The following SPIRE1 variants were observed in gnomAD, a reference collection of about 807,000 sequenced individuals.
SPIRE1 encodes protein spire homolog 1.
In SPIRE1, 40 loss-of-function variants were observed where a neutral mutation model predicts 94.1. The observed-to-expected ratio is 0.43, with a 90% CI of 0.33 to 0.55. The LOEUF is 0.55. SPIRE1 is among the 20% of genes least tolerant of loss of function. SPIRE1 has a pLI of 0.06. For missense variants in SPIRE1, 838 were observed against 975.2 expected (o/e 0.86, Z 1.87); for synonymous variants, 376 against 371.7 (o/e 1.01, Z -0.13).
chr18:12,546,609 GAA>G (rs35057526), intron 3 of SPIRE1, 63 bp downstream of exon 3: 26 of 1,228,016 alleles, frequency 2.1e-5, no homozygotes, highest in Non-Finnish European at 2.7e-5. Context: ...TCCAGGGGGG[GAA>G]AAAAAAGAAG....
intron 1 of SPIRE1, among the ~76,000 whole-genome samples, chr18:12,647,997 G>A (rs2038270452): frequency 6.6e-6 from 1 of 152,086 alleles, no homozygotes; most frequent in Non-Finnish European, 1.5e-5. Context: ...CAAGCCTAAG[G>A]AGCAATCAAT....
intron 2 of SPIRE1, among the ~76,000 whole-genome samples, chr18:12,617,365 C>A (rs537947857): frequency 2.0e-5 from 3 of 152,180 alleles, no homozygotes; most frequent in African/African-American, 4.8e-5. Context: ...CACGCACCAA[C>A]CACCATGCCC....
intron 2 of SPIRE1, among the ~76,000 whole-genome samples, chr18:12,610,754 A>G (rs2037116590): frequency 6.6e-6 from 1 of 152,160 alleles, no homozygotes; most frequent in Non-Finnish European, 1.5e-5. Context: ...CTTGGTGACT[A>G]TAACTTCTCT....
rs2038592195 is a variant in SPIRE1, at chr18:12,657,705, G to A, written c.162C>T (p.Asn54=). ...EILRLYNQPI[N]EEQAWAVCYQ... ...AGCACACGGCCCACGCCTGCTCCTC[G>A]TTGATGGGCTGGTTGTACAGCCGCA... The change falls in exon 1 of 17, where the codon AAC becomes AAT. Residue 54 remains asparagine (N), a synonymous_variant. Coordinates refer to ENST00000409402, the MANE Select transcript of SPIRE1 (RefSeq NM_001128626.2). 7.1e-7 allele frequency: 1 copy of A among 1,406,426 alleles called. No homozygotes were observed. The highest frequency in any genetic ancestry group is 9.3e-7 in the Non-Finnish European group (1 of 1,072,978). The allele number at this position is 1,406,426 out of a possible 1,614,324, so 87.1% of individuals were successfully genotyped here.
chr18:12,457,883 C>T (rs1652681), intron 12 of SPIRE1, among the ~76,000 whole-genome samples: 21,658 of 141,746 alleles, frequency 0.15, 2,860 homozygotes, highest in African/African-American at 0.36. Context: ...CTCGCTCTTT[C>T]GCCCAGGCTG....
At chr18:12,638,000 G>A (rs755218875) in intron 1 of SPIRE1, among the ~76,000 whole-genome samples, 1 of 152,176 alleles carries the variant, frequency 6.6e-6, no homozygotes, top group African/African-American at 2.4e-5. Context: ...ATATGAAAAG[G>A]CTGTAAGTAC....
chr18:12,586,903 G>A (rs2036404031), intron 2 of SPIRE1, among the ~76,000 whole-genome samples: 1 of 152,244 alleles, frequency 6.6e-6, no homozygotes, highest in East Asian at 1.9e-4. Context: ...AATATTTCAT[G>A]ACTCTAGACA....
At chr18:12,640,495 G>A (rs9961799) in intron 1 of SPIRE1, among the ~76,000 whole-genome samples, 69,524 of 152,056 alleles carry the variant, frequency 0.46, 16,477 homozygotes, top group Middle Eastern at 0.54. Flanking sequence ...ACACACTGTC[G>A]TAGTAAACAA....
At chr18:12,562,016 G>A (rs2035700703) in intron 2 of SPIRE1, among the ~76,000 whole-genome samples, 1 of 152,178 alleles carries the variant, frequency 6.6e-6, no homozygotes, top group Admixed American at 6.5e-5. Context: ...CTCTGGGAAG[G>A]ATTGTTAATG....
intron 4 of SPIRE1, among the ~76,000 whole-genome samples, chr18:12,532,978 A>G (rs1384586957): frequency 1.3e-5 from 2 of 152,154 alleles, no homozygotes; most frequent in African/African-American, 4.8e-5. Context: ...AAACAGGGAG[A>G]TGTAGAGGAG....
intron 2 of SPIRE1, among the ~76,000 whole-genome samples, chr18:12,553,816 A>G (rs1298062435): frequency 1.3e-5 from 2 of 152,208 alleles, no homozygotes; most frequent in African/African-American, 4.8e-5. Flanking sequence ...AGAAAACTCC[A>G]AATTAGTAAA....
intron 8 of SPIRE1, among the ~76,000 whole-genome samples, chr18:12,489,871 C>T (rs1458677163): frequency 6.6e-6 from 1 of 152,174 alleles, no homozygotes; most frequent in East Asian, 1.9e-4. Context: ...TTATGGGTAA[C>T]ATTTTCATCT....
At chr18:12,458,446 C>T (rs1343856516) in intron 12 of SPIRE1, among the ~76,000 whole-genome samples, 2 of 151,496 alleles carry the variant, frequency 1.3e-5, no homozygotes, top group East Asian at 2.0e-4. Flanking sequence ...CCCGTCTCTA[C>T]TAAAAATACA....
chr18:12,624,071 G>A (rs750368760), intron 2 of SPIRE1, among the ~76,000 whole-genome samples: 11 of 150,020 alleles, frequency 7.3e-5, no homozygotes, highest in South Asian at 4.2e-4. Context: ...TTACAGGCAC[G>A]TGTCACCACA....
chr18:12,472,707 T>C (rs927063457), intron 10 of SPIRE1, among the ~76,000 whole-genome samples: 2 of 151,558 alleles, frequency 1.3e-5, no homozygotes, highest in Non-Finnish European at 2.9e-5. Flanking sequence ...TCACCCAGGC[T>C]GGAGTGCAGT....
intron 2 of SPIRE1, among the ~76,000 whole-genome samples, chr18:12,627,344 A>G (rs2037660286): frequency 6.6e-6 from 1 of 152,070 alleles, no homozygotes; most frequent in South Asian, 2.1e-4. Flanking sequence ...AGTTTGCTCA[A>G]AATGATGGTT....
rs887143038 is a variant in SPIRE1, at chr18:12,657,869, C to A, written c.-3G>T. ...GCCGGGCCAGCCGCCTGAGCCATCC[C>A]GCGGGTGGGCGCTGCGCTCGGCAGT... is the stretch of plus-strand genomic sequence containing the variant. On this transcript the variant is annotated 5_prime_UTR_variant, in exon 1 of 17. Coordinates refer to ENST00000409402, the MANE Select transcript of SPIRE1 (RefSeq NM_001128626.2). 1.9e-5 allele frequency: 20 copies of A among 1,063,942 alleles called. No homozygotes were observed. In the African/African-American group the frequency reaches 3.2e-4, roughly 17 times the overall value. 65.9% of individuals were successfully genotyped at this position (1,063,942 alleles called of 1,614,324 possible).
chr18:12,454,279 C>T, intron 13 of SPIRE1, 67 bp downstream of exon 13: 1 of 1,582,884 alleles, frequency 6.3e-7, no homozygotes, highest in Non-Finnish European at 8.6e-7. Context: ...ATAACTCTCC[C>T]AGGAGACTAT....
At chr18:12,580,696 A>T (rs1178038556) in intron 2 of SPIRE1, among the ~76,000 whole-genome samples, 1 of 152,190 alleles carries the variant, frequency 6.6e-6, no homozygotes, top group Admixed American at 6.5e-5. Context: ...ACTGCTTTTT[A>T]AAAAATGAAC....
Sources: gnomAD v4.1 joint callset for allele counts (sites outside exome capture counted in the v4.1 genomes callset) on GRCh38, gnomAD v4.1.1 for gene constraint, MANE v1.5 for transcripts, NCBI Gene and HGNC (gene_info 2026-07-23, HGNC 2026-07-21) for gene names.